Variants in BCOR observed in about 807,000 individuals in gnomAD.
BCOR encodes the protein BCL6 corepressor.
In BCOR, 10 loss-of-function variants were observed where a neutral mutation model predicts 86.7. That is an observed-to-expected ratio of 0.12 (90% confidence interval 0.07 to 0.20). BCOR has a LOEUF of 0.20. BCOR is among the 10% of genes least tolerant of loss of function. The probability of loss-of-function intolerance (pLI) is 1.00; values close to 1 mark genes in which losing one functional copy is unlikely to be tolerated. For synonymous variants in BCOR, 611 were observed against 609.0 expected, an observed-to-expected ratio of 1.00 and a Z score of -0.05; for missense variants, 1,259 against 1,452.1, an observed-to-expected ratio of 0.87 and a Z score of 2.16.
At chrX:40,153,840 T>C (rs916240092) in intron 1 of BCOR, among the ~76,000 whole-genome samples, 10 of 110,428 alleles carry the variant, frequency 9.1e-5, no homozygotes, top group Admixed American at 1.9e-4. Context: ...TGCTCTGCGT[T>C]GGGGACTCGG....
At chrX:40,164,793 T>G (rs1288995684) in intron 1 of BCOR, among the ~76,000 whole-genome samples, 2 of 112,535 alleles carry the variant, frequency 1.8e-5, no homozygotes, top group African/African-American at 6.5e-5. Context: ...TTCATTTTCT[T>G]CCCAATTCCC....
chrX:40,068,242 C>T (rs1416153419), intron 6 of BCOR: 1 of 112,177 alleles, frequency 8.9e-6, no homozygotes, highest in African/African-American at 3.2e-5. Flanking sequence ...CCAGTAAGCC[C>T]TAAACAGGAT....
At chrX:40,146,185 G>T (rs1336035801) in intron 1 of BCOR, among the ~76,000 whole-genome samples, 1 of 112,231 alleles carries the variant, frequency 8.9e-6, no homozygotes, top group African/African-American at 3.2e-5. Context: ...TCTCCGCACG[G>T]TAGCCTGATC....
intron 1 of BCOR, among the ~76,000 whole-genome samples, chrX:40,115,436 A>C (rs145564155): frequency 1.4e-3 from 152 of 110,789 alleles, no homozygotes; most frequent in African/African-American, 4.8e-3. Flanking sequence ...CTAAGAATTG[A>C]TCATCTGAAT....
chrX:40,078,542 G>GA (rs982332799), intron 1 of BCOR, among the ~76,000 whole-genome samples: 1 of 112,035 alleles, frequency 8.9e-6, no homozygotes, highest in African/African-American at 3.2e-5. Flanking sequence ...GATCAAGTGT[G>GA]AAAAAGAGTC....
intron 11 of BCOR, among the ~76,000 whole-genome samples, chrX:40,056,281 TAAA>T (rs60712024): frequency 0.12 from 7,548 of 61,114 alleles, 442 homozygotes; most frequent in Non-Finnish European, 0.18. Flanking sequence ...TGTCACACAT[TAAA>T]AAAAAAAAAA....
At chrX:40,080,659 T>A (rs1212781087) in intron 1 of BCOR, among the ~76,000 whole-genome samples, 3 of 111,392 alleles carry the variant, frequency 2.7e-5, no homozygotes, top group African/African-American at 9.8e-5. Context: ...CTGGGCCTAC[T>A]GGGTGCTTTC....
intron 1 of BCOR, among the ~76,000 whole-genome samples, chrX:40,170,310 G>A (rs981133980): frequency 2.0e-4 from 22 of 110,510 alleles, no homozygotes; most frequent in South Asian, 3.8e-4. Flanking sequence ...TAGCCAGGAA[G>A]CTACTATAAA....
At chrX:40,152,078 GAGA>G (rs2147989304) in intron 1 of BCOR, among the ~76,000 whole-genome samples, 1 of 111,374 alleles carries the variant, frequency 9.0e-6, no homozygotes, top group East Asian at 2.9e-4. Flanking sequence ...GTGGGGTGGA[GAGA>G]AGTTCACTGG....
intron 1 of BCOR, among the ~76,000 whole-genome samples, chrX:40,139,394 C>CGT (rs1937768516): frequency 4.1e-4 from 2 of 4,896 alleles, no homozygotes; most frequent in African/African-American, 4.8e-4. Context: ...AATATATATA[C>CGT]ATATATATAT....
chrX:40,159,351 G>GT (rs1482455646), intron 1 of BCOR, among the ~76,000 whole-genome samples: 2 of 112,180 alleles, frequency 1.8e-5, no homozygotes, highest in Non-Finnish European at 3.8e-5. Flanking sequence ...TTTTTTGTTT[G>GT]TTTTTTGTTT....
chrX:40,146,473 A>C (rs1305605993), intron 1 of BCOR: 1 of 111,840 alleles, frequency 8.9e-6, no homozygotes, highest in Non-Finnish European at 1.9e-5. Context: ...CAGACCTGAG[A>C]GCCGCCGCGC....
intron 1 of BCOR, among the ~76,000 whole-genome samples, chrX:40,151,519 T>G (rs2147987998): frequency 8.9e-6 from 1 of 112,384 alleles, no homozygotes; most frequent in African/African-American, 3.2e-5. Context: ...CCGATAAGGC[T>G]TTACCTCCCT....
rs752711420 is a variant in BCOR at position 40,054,279 on chromosome X, T to A, written c.4796A>T (p.Asp1599Val). The part of the protein sequence containing the change: ...RNDDDASGTW[D>V]FYGSSVCEPD... Reference sequence around the variant, plus strand: ...ACCACAAACAGAGCTGCCATAGAAGTCCCAAGTGCCACTGGCGTCATCATC... The same window carrying A: ...ACCACAAACAGAGCTGCCATAGAAGACCCAAGTGCCACTGGCGTCATCATC... The change falls in exon 13 of 15, where the codon GAC (aspartate) becomes GTC (valine). Residue 1599 changes from aspartate to valine, a missense_variant. Physicochemically the swap from Asp to Val is radical, Grantham distance 152. This residue lies in a region of BCOR where 137 missense variants were observed against 149.8 expected (regional missense o/e 0.91). Coordinates refer to ENST00000378444, the MANE Select transcript of BCOR (RefSeq NM_001123385.2). The A allele has an allele frequency of 1.4e-4, 170 of 1,206,855 alleles. 1 individual carries two copies. Among genetic ancestry groups the A allele is most frequent in the Non-Finnish European group, 1.9e-4 (167 of 893,365 alleles).
chrX:40,108,431 G>T (rs1937234998), intron 1 of BCOR, among the ~76,000 whole-genome samples: 2 of 113,632 alleles, frequency 1.8e-5, no homozygotes, highest in Non-Finnish European at 3.7e-5. Context: ...ACTCCCAAGC[G>T]AGGCCTGGAC....
intron 1 of BCOR, among the ~76,000 whole-genome samples, chrX:40,158,424 G>A (rs986344872): frequency 2.2e-4 from 25 of 112,362 alleles, no homozygotes; most frequent in Non-Finnish European, 4.5e-4. Flanking sequence ...GCGTTCCCGG[G>A]CTGCCGGGGG....
intron 1 of BCOR, among the ~76,000 whole-genome samples, chrX:40,106,148 C>T (rs1056069244): frequency 3.6e-5 from 4 of 111,930 alleles, no homozygotes; most frequent in Non-Finnish European, 5.7e-5. Context: ...GGAGGAGATC[C>T]GGCGGCGGAG....
rs952105723 is a variant in BCOR, at chrX:40,063,865, C to T, written c.3590G>A (p.Cys1197Tyr). 14 of 1,210,249 alleles carry T rather than the reference C, an allele frequency of 1.2e-5. No homozygotes were observed. The highest frequency in any genetic ancestry group is 1.6e-5 in the Non-Finnish European group (14 of 895,144). The change falls in exon 8 of 15, where the codon TGC becomes TAC. Residue 1197 changes from cysteine (C) to tyrosine (Y), a missense_variant. By Grantham distance (194) the Cys-to-Tyr change is radical. Transcript: ENST00000378444. ...AGGATGGAGCCCTGTTAATTCAATG[C>T]ACACCTTCAGGTTGGTCAGCTCACT... ...HYSELTNLKV[C>Y]IELTGLHPKK...
intron 1 of BCOR, among the ~76,000 whole-genome samples, chrX:40,085,285 T>A (rs1936307873): frequency 8.9e-6 from 1 of 112,495 alleles, no homozygotes. Flanking sequence ...CCTCCTCACA[T>A]GCACAAGTCT....
Sources: allele counts gnomAD v4.1 joint callset (sites outside exome capture counted in the v4.1 genomes callset), GRCh38; gene constraint gnomAD v4.1.1; regional missense constraint gnomAD v4.1.1; transcripts MANE v1.5; gene names NCBI Gene and HGNC (gene_info 2026-07-23, HGNC 2026-07-21).